Variants in IKZF1 observed in about 807,000 individuals in gnomAD.
IKZF1 encodes IKAROS family zinc finger 1.
IKZF1 carries 10 observed loss-of-function variants against 51.7 expected under a neutral mutation model. That is an observed-to-expected ratio of 0.19 (90% confidence interval 0.12 to 0.33). The LOEUF is 0.33. Among genes scored for constraint, IKZF1 ranks in the 10% least tolerant of loss-of-function variants. IKZF1 has a pLI of 1.00. For missense variants in IKZF1, 484 were observed against 707.5 expected, an observed-to-expected ratio of 0.68 and a Z score of 3.58; for synonymous variants, 280 against 282.3, an observed-to-expected ratio of 0.99 and a Z score of 0.08.
At chr7:50,394,895 G>A (rs890546177) in intron 7 of IKZF1, among the ~76,000 whole-genome samples, 1 of 152,176 alleles carries the variant, frequency 6.6e-6, no homozygotes, top group African/African-American at 2.4e-5. Flanking sequence ...AAAAGGGCTT[G>A]TATTAAATAG....
intron 3 of IKZF1, chr7:50,367,899 G>T: frequency 1.6e-6 from 1 of 606,082 alleles, no homozygotes. Flanking sequence ...GTGGTTTTGA[G>T]TAATAAAACG....
At chr7:50,367,815 G>A in intron 3 of IKZF1, 1 of 573,246 alleles carries the variant, frequency 1.7e-6, no homozygotes, top group South Asian at 2.1e-5. Flanking sequence ...TGAGGGGATT[G>A]TGGTCCTGTT....
At chr7:50,386,877 G>A (rs1414197847) in intron 5 of IKZF1, among the ~76,000 whole-genome samples, 1 of 152,210 alleles carries the variant, frequency 6.6e-6, no homozygotes, top group Non-Finnish European at 1.5e-5. Context: ...ACCTGGAACT[G>A]AATTCACTCT....
At chr7:50,395,660 C>G (rs962063530) in intron 7 of IKZF1, among the ~76,000 whole-genome samples, 3 of 152,152 alleles carry the variant, frequency 2.0e-5, no homozygotes, top group African/African-American at 7.2e-5. Flanking sequence ...TAAATAGATT[C>G]AAGGATCAGA....
At chr7:50,349,325 A>G (rs948135534) in intron 3 of IKZF1, among the ~76,000 whole-genome samples, 3 of 152,236 alleles carry the variant, frequency 2.0e-5, no homozygotes, top group African/African-American at 4.8e-5. Context: ...TGAGTGTGTA[A>G]TGAGGAGTAA....
intron 3 of IKZF1, among the ~76,000 whole-genome samples, chr7:50,355,200 T>C (rs1802959430): frequency 6.6e-6 from 1 of 152,122 alleles, no homozygotes; most frequent in Non-Finnish European, 1.5e-5. Context: ...AGGCGGAAAT[T>C]CACATGGGGA....
chr7:50,344,169 T>A (rs1489444287), intron 3 of IKZF1, among the ~76,000 whole-genome samples: 1 of 152,226 alleles, frequency 6.6e-6, no homozygotes, highest in African/African-American at 2.4e-5. Context: ...CTCCTCTTTC[T>A]TCATCTGCAA....
At chr7:50,346,664 A>G (rs902014226) in intron 3 of IKZF1, among the ~76,000 whole-genome samples, 5 of 152,196 alleles carry the variant, frequency 3.3e-5, no homozygotes, top group Admixed American at 1.3e-4. Context: ...TGCAGAATGA[A>G]AAAGAAATCC....
chr7:50,351,607 G>A (rs923789707), intron 3 of IKZF1, among the ~76,000 whole-genome samples: 5 of 152,188 alleles, frequency 3.3e-5, no homozygotes, highest in African/African-American at 4.8e-5. Flanking sequence ...AAATCATTCA[G>A]CTAGCTGGCC....
intron 3 of IKZF1, among the ~76,000 whole-genome samples, chr7:50,361,596 G>A (rs1480924921): frequency 6.6e-6 from 1 of 152,292 alleles, no homozygotes; most frequent in East Asian, 1.9e-4. Context: ...AGCTAATCCT[G>A]GCCAGGCACA....
chr7:50,313,856 C>A (rs1790799257), intron 1 of IKZF1, among the ~76,000 whole-genome samples: 1 of 152,206 alleles, frequency 6.6e-6, no homozygotes, highest in Non-Finnish European at 1.5e-5. Context: ...ACAGACAACA[C>A]CCATGGTCTT....
rs758538350 is a variant in IKZF1, at chr7:50,327,575, C to T, written c.41-63C>T. 79 of 1,510,200 alleles carry T rather than the reference C, an allele frequency of 5.2e-5. 1 individual carries two copies. Among genetic ancestry groups the T allele is most frequent in the Admixed American group, 1.3e-4 (6 of 46,084 alleles). The allele number at this position is 1,510,200 out of a possible 1,614,324, so 93.5% of individuals were successfully genotyped here. On this transcript the variant is annotated intron_variant, in intron 2 of 7. Transcript: ENST00000331340. ...CATGCCACCCTCTCAAGCCAAAAGC[C>T]GGGGGAAGCCCAGGCACCTTGACCA...
rs1815148608 is a variant in IKZF1 at position 50,391,781 on chromosome 7, A to G, written c.768A>G (p.Ile256Met). ...HSEMAEDLCK[I>M]GSERSLVLDR... ...AAATGGCAGAAGACCTGTGCAAGAT[A>G]GGATCAGAGAGATCTCTCGTGCTGG... The change falls in exon 7 of 8, where the codon ATA becomes ATG. Residue 256 changes from isoleucine (I) to methionine (M), a missense_variant. By Grantham distance (10) the Ile-to-Met change is conservative. This residue lies in a region of IKZF1 where 172 missense variants were observed against 192.7 expected (regional missense o/e 0.89). Transcript: ENST00000331340. 6.2e-7 allele frequency: 1 copy of G among 1,613,946 alleles called. No homozygotes were observed.
At chr7:50,340,960 A>G in intron 3 of IKZF1, among the ~76,000 whole-genome samples, 1 of 152,310 alleles carries the variant, frequency 6.6e-6, no homozygotes, top group Non-Finnish European at 1.5e-5. Context: ...TGGTCTCAAC[A>G]CTGATTTTTA....
At chr7:50,368,303 T>G (rs562994616) in intron 3 of IKZF1, 5 of 703,326 alleles carry the variant, frequency 7.1e-6, no homozygotes, top group South Asian at 5.9e-5. Context: ...AGGGTTGGAG[T>G]CACAGTAGCA....
chr7:50,393,303 G>A (rs572892450), intron 7 of IKZF1, among the ~76,000 whole-genome samples: 8 of 152,238 alleles, frequency 5.3e-5, no homozygotes, highest in South Asian at 2.1e-4. Context: ...TGTTTTTGAC[G>A]TGTTGATTTT....
chr7:50,388,419 AAGAATGTTG>A (rs1814052437), intron 6 of IKZF1: 1 of 152,234 alleles, frequency 6.6e-6, no homozygotes, highest in Admixed American at 6.5e-5. Context: ...AGCAGGAAAA[AAGAATGTTG>A]AGAATGGCTA....
At chr7:50,380,717 C>G (rs557800706) in intron 4 of IKZF1, among the ~76,000 whole-genome samples, 2 of 152,354 alleles carry the variant, frequency 1.3e-5, no homozygotes, top group Admixed American at 1.3e-4. Flanking sequence ...GCTCACTCTA[C>G]TTTTCCTTTT....
chr7:50,307,138 A>G (rs764718279), intron 1 of IKZF1, among the ~76,000 whole-genome samples: 1 of 152,176 alleles, frequency 6.6e-6, no homozygotes, highest in Non-Finnish European at 1.5e-5. Context: ...GGATTTCCCT[A>G]TGTTATATAA....
Sources: gnomAD v4.1 joint callset for allele counts (sites outside exome capture counted in the v4.1 genomes callset) on GRCh38, gnomAD v4.1.1 for gene constraint, gnomAD v4.1.1 regional missense constraint, MANE v1.5 for transcripts, NCBI Gene and HGNC (gene_info 2026-07-23, HGNC 2026-07-21) for gene names.